Variants in COL4A2 observed in about 807,000 individuals in gnomAD.
COL4A2 encodes the protein collagen type IV alpha 2 chain.
In COL4A2, 99 loss-of-function variants were observed where a neutral mutation model predicts 200.2. That is an observed-to-expected ratio of 0.49 (90% CI 0.42 to 0.58). COL4A2 has a LOEUF of 0.58. COL4A2 is among the 20% of genes least tolerant of loss of function. The pLI is 0.00. For synonymous variants in COL4A2, 897 were observed against 900.6 expected, an observed-to-expected ratio of 1.00 and a Z score of 0.07; for missense variants, 1,950 against 2,314.1, an observed-to-expected ratio of 0.84 and a Z score of 3.23.
At chr13:110,442,081 C>CT (rs1881147079) in intron 16 of COL4A2, among the ~76,000 whole-genome samples, 1 of 94,580 alleles carries the variant, frequency 1.1e-5, no homozygotes, top group African/African-American at 4.6e-5. Flanking sequence ...GTGAGACTCT[C>CT]TGTCTCAAAA....
intron 4 of COL4A2, among the ~76,000 whole-genome samples, chr13:110,416,835 G>A (rs1220480856): frequency 2.0e-5 from 3 of 152,174 alleles, no homozygotes; most frequent in Admixed American, 2.0e-4. Flanking sequence ...AATCTAATTC[G>A]GTCCTGACCC....
intron 4 of COL4A2, among the ~76,000 whole-genome samples, chr13:110,421,001 A>G (rs1443670564): frequency 6.6e-6 from 1 of 152,220 alleles, no homozygotes; most frequent in African/African-American, 2.4e-5. Flanking sequence ...GAAATGTTCC[A>G]TCTCATCAGA....
chr13:110,346,984 C>T (rs537132657), intron 3 of COL4A2, among the ~76,000 whole-genome samples: 4 of 152,236 alleles, frequency 2.6e-5, no homozygotes, highest in Non-Finnish European at 4.4e-5. Context: ...CCTGGGTCCA[C>T]GCCTCCGCAT....
rs75414141 is a variant in COL4A2, at chr13:110,394,023, C to T, written c.181-30711C>T. On this transcript the variant is annotated intron_variant, in intron 4 of 47. Transcript: ENST00000360467. ...CCTGCCACTATATGATGACTTTCTC[C>T]ACCATATCTGTGTGCTGAAGAGTCA... Among the ~76,000 whole-genome samples, 126 of 152,296 alleles carry T rather than the reference C, an allele frequency of 8.3e-4. 6 individuals carry two copies. The East Asian group carries it at 0.023, about 27-fold the overall frequency.
chr13:110,510,162 G>A (rs969177775), intron 47 of COL4A2, among the ~76,000 whole-genome samples: 2 of 152,260 alleles, frequency 1.3e-5, no homozygotes, highest in Admixed American at 1.3e-4. Flanking sequence ...CGCAGAAGGC[G>A]AGAGCAGTGC....
intron 3 of COL4A2, among the ~76,000 whole-genome samples, chr13:110,312,881 G>A (rs1885023467): frequency 6.6e-6 from 1 of 152,238 alleles, no homozygotes; most frequent in Non-Finnish European, 1.5e-5. Context: ...GAGCCTGGAA[G>A]AGAATGTTGT....
At position 110,336,484 on chromosome 13, in the gene COL4A2, C is replaced by T. The variant is rs967764934; in HGVS notation, c.100-20988C>T. 4.6e-5 allele frequency among the ~76,000 whole-genome samples: 7 copies of T among 152,330 alleles called. No homozygotes were observed. The East Asian group carries it at 5.8e-4, about 13-fold the overall frequency. On this transcript the variant is annotated intron_variant, in intron 3 of 47. Coordinates refer to ENST00000360467, the MANE Select transcript of COL4A2 (RefSeq NM_001846.4). Reference sequence around the variant, plus strand: ...CGGCCGCTGGAGGAGGGCTCCTGCGCGCTGCCCAGGGCTGGGCTTTCTTTC... The same window carrying T: ...CGGCCGCTGGAGGAGGGCTCCTGCGTGCTGCCCAGGGCTGGGCTTTCTTTC...
chr13:110,405,883 G>A (rs1039506263), intron 4 of COL4A2, among the ~76,000 whole-genome samples: 11 of 152,150 alleles, frequency 7.2e-5, no homozygotes, highest in African/African-American at 2.7e-4. Context: ...ACATTTTTGG[G>A]GTCTCTGGGA....
In COL4A2 at chr13:110,485,182, G is replaced by A. The variant is rs373149290; in HGVS notation, c.3025+155G>A. 2.6e-4 allele frequency among the ~76,000 whole-genome samples: 40 copies of A among 152,250 alleles called. No individual in the cohort carries two copies. In the South Asian group the frequency reaches 2.9e-3, roughly 11 times the overall value. ...GGCGCCCTGTGTGTCCATAGCTGGC[G>A]CAGGGTTGTTCTCTGATGCCTGAGT... On this transcript the variant is annotated intron_variant, in intron 33 of 47. Transcript: ENST00000360467.
chr13:110,461,994 C>G, intron 22 of COL4A2, 120 bp from the exon 23 acceptor site: 1 of 1,458,640 alleles, frequency 6.9e-7, no homozygotes, highest in Non-Finnish European at 9.3e-7. Flanking sequence ...TTGGGTGGCG[C>G]TCGGTTTGGT....
chr13:110,400,150 C>T (rs141298070), intron 4 of COL4A2, among the ~76,000 whole-genome samples: 1 of 152,270 alleles, frequency 6.6e-6, no homozygotes, highest in African/African-American at 2.4e-5. Flanking sequence ...TTAATTCATT[C>T]ATAAAGTACC....
chr13:110,361,380 C>G (rs1032797813), intron 4 of COL4A2, among the ~76,000 whole-genome samples: 1 of 152,162 alleles, frequency 6.6e-6, no homozygotes, highest in Non-Finnish European at 1.5e-5. Flanking sequence ...ATAGTTTGTT[C>G]TTTCCCACAG....
At chr13:110,419,629 G>A (rs535103420) in intron 4 of COL4A2, among the ~76,000 whole-genome samples, 26 of 152,302 alleles carry the variant, frequency 1.7e-4, no homozygotes, top group African/African-American at 3.1e-4. Context: ...TTCTCTCCAC[G>A]GTCGTGGTAT....
At chr13:110,439,856 A>G (rs1881055417) in intron 16 of COL4A2, 23 bp downstream of exon 16, 1 of 1,613,722 alleles carries the variant, frequency 6.2e-7, no homozygotes, top group Non-Finnish European at 8.5e-7. Flanking sequence ...CATGAACTGC[A>G]GTCTGCTCTG....
rs989684881 is a variant in COL4A2 at position 110,465,910 on chromosome 13, G to T, written c.1979-93G>T. On this transcript the variant is annotated intron_variant, in intron 25 of 47. Coordinates refer to ENST00000360467, the MANE Select transcript of COL4A2 (RefSeq NM_001846.4). Reference sequence around the variant, plus strand: ...TCCTGCCCCCACCAGCAACATATACGACACACCTTCACACACGTGCACGCC... The same window carrying T: ...TCCTGCCCCCACCAGCAACATATACTACACACCTTCACACACGTGCACGCC... The T allele has an allele frequency of 6.2e-6, 9 of 1,461,304 alleles. No individual in the cohort carries two copies. In the Middle Eastern group the frequency reaches 7.3e-4, roughly 118 times the overall value. 90.5% of individuals were successfully genotyped at this position (1,461,304 alleles called of 1,614,324 possible).
chr13:110,387,610 C>T (rs1403403506), intron 4 of COL4A2, among the ~76,000 whole-genome samples: 2 of 152,034 alleles, frequency 1.3e-5, no homozygotes, highest in African/African-American at 4.8e-5. Context: ...GCGGCTGCAG[C>T]CCCGAGGGAG....
At chr13:110,323,398 C>T (rs965747095) in intron 3 of COL4A2, among the ~76,000 whole-genome samples, 1 of 152,164 alleles carries the variant, frequency 6.6e-6, no homozygotes, top group African/African-American at 2.4e-5. Context: ...GGATGAGGGC[C>T]CCCCCTGTGG....
At chr13:110,471,045 T>G (rs905648587) in intron 28 of COL4A2, among the ~76,000 whole-genome samples, 1 of 152,252 alleles carries the variant, frequency 6.6e-6, no homozygotes, top group African/African-American at 2.4e-5. Context: ...TTTGTTGCCC[T>G]GCTGGAAGTG....
intron 3 of COL4A2, among the ~76,000 whole-genome samples, chr13:110,344,648 C>A (rs1382427303): frequency 2.6e-5 from 4 of 152,042 alleles, no homozygotes; most frequent in African/African-American, 9.7e-5. Context: ...TATACGAGAC[C>A]CCAGGGCCGC....
Sources: allele counts gnomAD v4.1 joint callset (sites outside exome capture counted in the v4.1 genomes callset), GRCh38; gene constraint gnomAD v4.1.1; transcripts MANE v1.5; gene names NCBI Gene and HGNC (gene_info 2026-07-23, HGNC 2026-07-21).